LYPD5: variants seen among roughly 807,000 people sequenced by gnomAD.
LYPD5 encodes ly6/PLAUR domain-containing protein 5.
A neutral mutation model predicts 19.1 loss-of-function variants in LYPD5; 21 were observed. The observed-to-expected ratio is 1.10, with a 90% CI of 0.78 to 1.58. The LOEUF (loss-of-function observed/expected upper bound fraction) is 1.58, where lower values mean the gene tolerates loss of function less well. LYPD5 is among the 40% of genes most tolerant of loss of function. The pLI is 0.00. For missense variants in LYPD5, 287 were observed against 329.8 expected (o/e 0.87, Z 1.00); for synonymous variants, 128 against 142.7 (o/e 0.90, Z 0.74).
At position 43,799,833 on chromosome 19, in the gene LYPD5, CCCTGG is replaced by C; in HGVS notation, c.65-4_65del. On this transcript the variant is annotated splice_acceptor_variant and splice_polypyrimidine_tract_variant and coding_sequence_variant and intron_variant, in exon 2 of 5. Coordinates refer to ENST00000377950, the MANE Select transcript of LYPD5 (RefSeq NM_001031749.3). LOFTEE classifies it high-confidence loss of function. ...AGCTGTAGCACTGCAGGGCTTGGGACCCTGGGGAGAGAGGCGTGGCAGAGTCAGCA... is the reference window on the plus strand; with the variant it reads ...AGCTGTAGCACTGCAGGGCTTGGGACGGAGAGAGGCGTGGCAGAGTCAGCA... 1 of 1,610,428 alleles carries C rather than the reference CCCTGG, an allele frequency of 6.2e-7. No individual in the cohort carries two copies. Among genetic ancestry groups the C allele is most frequent in the Non-Finnish European group, 8.5e-7 (1 of 1,178,488 alleles).
chr19:43,796,118 T>C lies in LYPD5; in HGVS notation c.*1473A>G, dbSNP rs1970125300. The C allele has an allele frequency of 6.6e-6, 1 of 152,114 alleles. No individual in the cohort carries two copies. Among genetic ancestry groups the C allele is most frequent in the Admixed American group, 6.6e-5 (1 of 15,264 alleles). The allele number at this position is 152,114 out of a possible 1,614,324, so 9.4% of individuals were successfully genotyped here. ...CTCTTTTATAAGGGCACTAATCCTA[T>C]TCATGGGGGCTCCACCCTCATGATC... On this transcript the variant is annotated 3_prime_UTR_variant, in exon 5 of 5. Transcript: ENST00000377950.
intron 1 of LYPD5, among the ~76,000 whole-genome samples, chr19:43,814,042 A>G (rs1039147127): frequency 6.6e-6 from 1 of 152,174 alleles, no homozygotes; most frequent in Admixed American, 6.5e-5. Flanking sequence ...TGCATTTTGT[A>G]TGTACGCCCA....
At chr19:43,818,014 C>T (rs547343824) in intron 1 of LYPD5, among the ~76,000 whole-genome samples, 4 of 152,230 alleles carry the variant, frequency 2.6e-5, no homozygotes, top group Non-Finnish European at 5.9e-5. Flanking sequence ...GCGCCCAGCC[C>T]ATAAGTACTC....
At chr19:43,817,720 TA>T (rs1379536613) in intron 1 of LYPD5, among the ~76,000 whole-genome samples, 1 of 144,992 alleles carries the variant, frequency 6.9e-6, no homozygotes, top group African/African-American at 2.6e-5. Flanking sequence ...GGACTTTATT[TA>T]TTTTTTTTTT....
intron 4 of LYPD5, 131 bp from the exon 5 acceptor site, chr19:43,797,960 C>T (rs1346004903): frequency 1.4e-6 from 1 of 705,056 alleles, no homozygotes; most frequent in Non-Finnish European, 2.4e-6. Context: ...AAGACCAGGG[C>T]CAGGCCTCCC....
chr19:43,799,114 T>TTCCCTCCG, intron 2 of LYPD5, 126 bp from the exon 3 acceptor site: 6 of 1,093,732 alleles, frequency 5.5e-6, no homozygotes, highest in South Asian at 1.7e-5. Flanking sequence ...CCTTCCCTCC[T>TTCCCTCCG]TCCTCTCACC....
Position 43,797,267 on chromosome 19 carries a change from T to C in LYPD5, c.*324A>G. On this transcript the variant is annotated 3_prime_UTR_variant, in exon 5 of 5. Coordinates refer to ENST00000377950, the MANE Select transcript of LYPD5 (RefSeq NM_001031749.3). Reference sequence around the variant, plus strand: ...GCTCCCTCCTAGAGCTGCGACAGGCTCTGGAGGGAGAGCACAGGAAGCCGT... The same window carrying C: ...GCTCCCTCCTAGAGCTGCGACAGGCCCTGGAGGGAGAGCACAGGAAGCCGT... 3.1e-6 allele frequency: 1 copy of C among 319,218 alleles called. No individual in the cohort carries two copies. Among genetic ancestry groups the C allele is most frequent in the Non-Finnish European group, 5.8e-6 (1 of 172,608 alleles). The allele number at this position is 319,218 out of a possible 1,614,324, so 19.8% of individuals were successfully genotyped here.
At chr19:43,798,641 C>T in intron 3 of LYPD5, 40 bp from the exon 4 acceptor site, 2 of 1,609,562 alleles carry the variant, frequency 1.2e-6, no homozygotes. Flanking sequence ...GCAGTGGTAC[C>T]CTGGCACAGT....
chr19:43,819,874 G>C (rs540802084), intron 1 of LYPD5, among the ~76,000 whole-genome samples: 1 of 152,284 alleles, frequency 6.6e-6, no homozygotes, highest in Non-Finnish European at 1.5e-5. Context: ...TGATGGCCTT[G>C]GGAAGCTAGA....
chr19:43,798,697 G>C, intron 3 of LYPD5, 96 bp from the exon 4 acceptor site: 2 of 1,582,326 alleles, frequency 1.3e-6, no homozygotes, highest in Non-Finnish European at 1.7e-6. Flanking sequence ...AGCACGTCTC[G>C]GGGGTTGGGA....
At chr19:43,811,739 AAGGAAGGAAGGG>A (rs1726100909) in intron 1 of LYPD5, among the ~76,000 whole-genome samples, 1 of 88,882 alleles carries the variant, frequency 1.1e-5, no homozygotes, top group African/African-American at 4.3e-5. Context: ...GGGAGGGAGG[AAGGAAGGAAGGG>A]AGGGAGGGAG....
intron 1 of LYPD5, among the ~76,000 whole-genome samples, chr19:43,815,179 A>G (rs554884903): frequency 6.6e-6 from 1 of 152,262 alleles, no homozygotes; most frequent in Admixed American, 6.5e-5. Context: ...GAAACTCAGC[A>G]GCCTTCAAGT....
intron 1 of LYPD5, among the ~76,000 whole-genome samples, chr19:43,820,060 C>T (rs905228520): frequency 6.6e-6 from 1 of 151,088 alleles, no homozygotes; most frequent in Non-Finnish European, 1.5e-5. Context: ...CCAGCTGTCA[C>T]TCTACACACA....
chr19:43,812,378 A>ATCTATCT lies in LYPD5; in HGVS notation c.-66+8161_-66+8162insAGATAGA, dbSNP rs1568406587. On this transcript the variant is annotated intron_variant, in intron 1 of 4. Coordinates refer to the LYPD5 transcript ENST00000414615. The stretch of plus-strand genomic sequence containing the variant: ...CTATCTATCTATCTATCTATCTATC[A>ATCTATCT]ATCTATCATCTATCTATCCATCCAT... 5.9e-3 allele frequency among the ~76,000 whole-genome samples: 322 copies of ATCTATCT among 54,954 alleles called. 3 individuals are homozygous for ATCTATCT. Among genetic ancestry groups the ATCTATCT allele is most frequent in the Middle Eastern group, 0.011 (1 of 90 alleles). The allele number at this position is 54,954 out of a possible 152,430, so 36.1% of individuals were successfully genotyped here.
rs757851608 is a variant in LYPD5, at chr19:43,798,567, G to A, written c.405C>T (p.Cys135=). Residue 135 remains cysteine, a synonymous_variant, in exon 4 of 5, where the codon TGC becomes TGT. Transcript: ENST00000377950. ...CCTGGTGGACCCCGATACAGGCGTAGCACTCGGCGCCGCTGAGCGTCGGCG... is the reference window on the plus strand; with the variant it reads ...CCTGGTGGACCCCGATACAGGCGTAACACTCGGCGCCGCTGAGCGTCGGCG... ...PDPPTLSGAE[C]YACIGVHQDD... is the part of the protein sequence containing the mutation. The A allele has an allele frequency of 3.7e-6, 6 of 1,611,386 alleles. No individual in the cohort carries two copies. The highest frequency in any genetic ancestry group is 5.1e-6 in the Non-Finnish European group (6 of 1,180,042).
intron 1 of LYPD5, among the ~76,000 whole-genome samples, chr19:43,801,037 GAA>G (rs4027763): frequency 0.32 from 42,069 of 132,084 alleles, 6,680 homozygotes; most frequent in Non-Finnish European, 0.39. Context: ...TACATGGAGA[GAA>G]AAAAAAAAAA....
chr19:43,803,547 C>T (rs1970245732), upstream of LYPD5, among the ~76,000 whole-genome samples: 1 of 152,176 alleles, frequency 6.6e-6, no homozygotes, highest in Admixed American at 6.5e-5. Flanking sequence ...GTCCACGTAA[C>T]ACTGGTGACC....
upstream of LYPD5, among the ~76,000 whole-genome samples, chr19:43,804,698 A>T (rs6509117): frequency 0.66 from 99,877 of 151,334 alleles, 33,688 homozygotes; most frequent in African/African-American, 0.78. Flanking sequence ...CATACAAATT[A>T]TTCTTCCTTC....
chr19:43,798,659 G>C (rs559911208), intron 3 of LYPD5, 58 bp from the exon 4 acceptor site: 1 of 1,604,398 alleles, frequency 6.2e-7, no homozygotes, highest in Admixed American at 1.7e-5. Context: ...AGTCGTGCGG[G>C]CTGCGCACTG....
Sources: allele counts gnomAD v4.1 joint callset (sites outside exome capture counted in the v4.1 genomes callset), GRCh38; gene constraint gnomAD v4.1.1; transcripts MANE v1.5; gene names NCBI Gene and HGNC (gene_info 2026-07-23, HGNC 2026-07-21).